Variants in CAPRIN1 observed in about 807,000 individuals in gnomAD.
The protein encoded by CAPRIN1 is cell cycle associated protein 1.
In CAPRIN1, 29 loss-of-function variants were observed where a neutral mutation model predicts 100.9. That is an observed-to-expected ratio of 0.29 (90% CI 0.21 to 0.39). The LOEUF (loss-of-function observed/expected upper bound fraction) is 0.39, where lower values mean the gene tolerates loss of function less well. Among genes scored for constraint, CAPRIN1 ranks in the 10% least tolerant of loss-of-function variants. The pLI is 1.00. For synonymous variants in CAPRIN1, 338 were observed against 307.5 expected (o/e 1.10, Z -1.04); for missense variants, 795 against 876.7 (o/e 0.91, Z 1.18).
intron 2 of CAPRIN1, among the ~76,000 whole-genome samples, chr11:34,066,892 G>GA (rs1850708848): frequency 6.7e-6 from 1 of 150,026 alleles, no homozygotes; most frequent in South Asian, 2.1e-4. Context: ...TCAGCCTCCC[G>GA]AAGTGCTAGC....
Position 34,076,569 on chromosome 11 carries a change from A to G in CAPRIN1, c.615A>G (p.Glu205=). The change falls in exon 6 of 19, where the codon GAA becomes GAG. Residue 205 remains glutamate, a synonymous_variant. Coordinates refer to ENST00000341394, the MANE Select transcript of CAPRIN1 (RefSeq NM_005898.5). ...PERDMSLRLN[E]QYEHASIHLW... ...TATTTACTATTAAAAGGTTGAATGA[A>G]CAGTATGAACATGCCTCCATTCACC... is the stretch of plus-strand genomic sequence containing the variant. 4 of 1,613,812 alleles carry G rather than the reference A, an allele frequency of 2.5e-6. No homozygotes were observed. In the South Asian group the frequency reaches 4.4e-5, roughly 18 times the overall value.
At chr11:34,080,076 A>C (rs1850993322) in intron 7 of CAPRIN1, among the ~76,000 whole-genome samples, 1 of 151,932 alleles carries the variant, frequency 6.6e-6, no homozygotes, top group South Asian at 2.1e-4. Flanking sequence ...GGCGCCCGCC[A>C]CCACGCCCGG....
rs745790440 is a variant in CAPRIN1, at chr11:34,076,375, A to G, written c.506A>G (p.Lys169Arg). The G allele has an allele frequency of 2.5e-6, 4 of 1,614,094 alleles. No individual in the cohort carries two copies. The highest frequency in any genetic ancestry group is 2.2e-5 in the South Asian group (2 of 91,088). ...LGDDEVRTDL[K>R]QGLNGVPILS... ...GATGATGAAGTGCGGACTGACCTGA[A>G]ACAAGGTTTGAATGGAGTGCCAATA... The change falls in exon 5 of 19, where the codon AAA becomes AGA. Residue 169 changes from lysine (K) to arginine (R), a missense_variant. Lys to Arg is a conservative substitution (Grantham distance 26). Coordinates refer to ENST00000341394, the MANE Select transcript of CAPRIN1 (RefSeq NM_005898.5).
chr11:34,078,152 T>C (rs1850941558), intron 6 of CAPRIN1, among the ~76,000 whole-genome samples: 1 of 152,206 alleles, frequency 6.6e-6, no homozygotes, highest in Non-Finnish European at 1.5e-5. Context: ...TTTATGTACA[T>C]TTGATTTGTA....
rs1851439430 is a variant in CAPRIN1, at chr11:34,100,602, C to T, written c.*1235C>T. On this transcript the variant is annotated 3_prime_UTR_variant, in exon 19 of 19. Transcript: ENST00000341394. Reference sequence around the variant, plus strand: ...AAATTTTATGGTTTATCTCCAGCAACATTTCTCTAGTACTTGCACTTATTA... The same window carrying T: ...AAATTTTATGGTTTATCTCCAGCAATATTTCTCTAGTACTTGCACTTATTA... The T allele has an allele frequency of 6.6e-6, 1 of 152,216 alleles. No homozygotes were observed. The highest frequency in any genetic ancestry group is 1.5e-5 in the Non-Finnish European group (1 of 68,024). 9.4% of individuals were successfully genotyped at this position (152,216 alleles called of 1,614,324 possible).
At chr11:34,052,339 C>T (rs1850334729) in intron 1 of CAPRIN1, 82 bp from the exon 2 acceptor site, 4 of 1,148,852 alleles carry the variant, frequency 3.5e-6, no homozygotes, top group Non-Finnish European at 5.1e-6. Flanking sequence ...GCGTTTTGTC[C>T]CGCGTCTCGC....
intron 4 of CAPRIN1, 41 bp from the exon 5 acceptor site, chr11:34,076,195 T>C: frequency 1.4e-6 from 2 of 1,469,170 alleles, no homozygotes; most frequent in East Asian, 2.3e-5. Context: ...CTAAGTTTTA[T>C]ATAACTAATT....
intron 2 of CAPRIN1, among the ~76,000 whole-genome samples, chr11:34,067,197 TGG>T (rs1425984614): frequency 6.6e-6 from 1 of 152,128 alleles, no homozygotes; most frequent in Non-Finnish European, 1.5e-5. Flanking sequence ...CCCAAAGTGT[TGG>T]GATTACAGGT....
At chr11:34,068,352 T>A (rs1850740087) in intron 2 of CAPRIN1, among the ~76,000 whole-genome samples, 1 of 152,208 alleles carries the variant, frequency 6.6e-6, no homozygotes, top group African/African-American at 2.4e-5. Context: ...TACTCTTGGT[T>A]GAAGCTCACT....
rs1020817533 is a variant in CAPRIN1 at position 34,087,535 on chromosome 11, G to A, written c.1231+1122G>A. On this transcript the variant is annotated intron_variant, in intron 11 of 18. Coordinates refer to ENST00000341394, the MANE Select transcript of CAPRIN1 (RefSeq NM_005898.5). The stretch of plus-strand genomic sequence containing the variant: ...TTTTTAGTAGAGACGGGGTTTCACT[G>A]TTTTAGCCGGGATGGTCTCGATCTC... 6.4e-5 allele frequency among the ~76,000 whole-genome samples: 8 copies of A among 124,524 alleles called. 1 individual carries two copies. The highest frequency in any genetic ancestry group is 3.9e-3 in the Middle Eastern group (1 of 256). 81.7% of individuals were successfully genotyped at this position (124,524 alleles called of 152,430 possible).
chr11:34,053,714 A>T (rs1194450600), intron 2 of CAPRIN1: 3 of 152,226 alleles, frequency 2.0e-5, no homozygotes, highest in African/African-American at 7.2e-5. Flanking sequence ...TTATGCTTTC[A>T]TCGCAGGACA....
At chr11:34,066,800 ATT>A (rs1278025400) in intron 2 of CAPRIN1, among the ~76,000 whole-genome samples, 1 of 130,012 alleles carries the variant, frequency 7.7e-6, no homozygotes, top group African/African-American at 2.9e-5. Flanking sequence ...TAATTTTTGT[ATT>A]TTTTTTTTTT....
intron 2 of CAPRIN1, among the ~76,000 whole-genome samples, chr11:34,060,388 G>A (rs1396105904): frequency 6.6e-6 from 1 of 151,972 alleles, no homozygotes; most frequent in East Asian, 1.9e-4. Flanking sequence ...CACCCAGGCT[G>A]GAGTTCAGCA....
intron 2 of CAPRIN1, among the ~76,000 whole-genome samples, chr11:34,059,883 T>A (rs1850539073): frequency 6.7e-6 from 1 of 148,518 alleles, no homozygotes; most frequent in African/African-American, 2.5e-5. Flanking sequence ...AGAATACTTT[T>A]TTTTTTTTTT....
At chr11:34,065,390 T>A (rs1396189003) in intron 2 of CAPRIN1, among the ~76,000 whole-genome samples, 1 of 152,252 alleles carries the variant, frequency 6.6e-6, no homozygotes, top group Non-Finnish European at 1.5e-5. Context: ...TTCTCAAACT[T>A]AAGCATGCAT....
At chr11:34,072,352 T>C (rs1192687132) in intron 4 of CAPRIN1, among the ~76,000 whole-genome samples, 2 of 152,070 alleles carry the variant, frequency 1.3e-5, no homozygotes, top group African/African-American at 4.8e-5. Context: ...AAAAATTTTT[T>C]TAAAAGGACC....
At chr11:34,053,471 A>C (rs1482015703) in intron 2 of CAPRIN1, 1 of 152,668 alleles carries the variant, frequency 6.6e-6, no homozygotes, top group African/African-American at 2.4e-5. Flanking sequence ...AGAGCGTCTA[A>C]CATGGCGGCG....
chr11:34,055,992 A>G (rs1322752199), intron 2 of CAPRIN1, among the ~76,000 whole-genome samples: 2 of 152,200 alleles, frequency 1.3e-5, no homozygotes, highest in African/African-American at 2.4e-5. Flanking sequence ...TCCTTTTTAT[A>G]TTTAGATGAT....
rs1419839724 is a variant in CAPRIN1, at chr11:34,052,325, C to T, written c.1-96C>T. On this transcript the variant is annotated intron_variant, in intron 1 of 18. Coordinates refer to ENST00000341394, the MANE Select transcript of CAPRIN1 (RefSeq NM_005898.5). ...ACCCGCTCGCGTAGGCTACCGCTCGCTGCGCGTTTTGTCCCGCGTCTCGCC... is the reference window on the plus strand; with the variant it reads ...ACCCGCTCGCGTAGGCTACCGCTCGTTGCGCGTTTTGTCCCGCGTCTCGCC... The T allele has an allele frequency of 1.3e-5, 13 of 1,039,476 alleles. No individual in the cohort carries two copies. The East Asian group carries it at 1.6e-4, about 13-fold the overall frequency. 64.4% of individuals were successfully genotyped at this position (1,039,476 alleles called of 1,614,324 possible).
Sources: allele counts gnomAD v4.1 joint callset (sites outside exome capture counted in the v4.1 genomes callset), GRCh38; gene constraint gnomAD v4.1.1; transcripts MANE v1.5; gene names NCBI Gene and HGNC (gene_info 2026-07-23, HGNC 2026-07-21).